SPINK5: variants seen among roughly 807,000 people sequenced by gnomAD.
SPINK5 encodes serine peptidase inhibitor Kazal type 5.
Under a neutral mutation model 151.8 loss-of-function variants are expected in SPINK5, and 125 were observed. The observed-to-expected ratio is 0.82, with a 90% CI of 0.71 to 0.96. SPINK5 has a LOEUF of 0.96. SPINK5 is among the 40% of genes least tolerant of loss of function. The probability of loss-of-function intolerance (pLI) is 0.00; values close to 1 mark genes in which losing one functional copy is unlikely to be tolerated. For synonymous variants in SPINK5, 374 were observed against 395.3 expected, an observed-to-expected ratio of 0.95 and a Z score of 0.64; for missense variants, 1,194 against 1,291.9, an observed-to-expected ratio of 0.92 and a Z score of 1.16.
intron 28 of SPINK5, chr5:148,125,069 G>GTCTT (rs1157781682): frequency 3.8e-6 from 2 of 529,364 alleles, no homozygotes; most frequent in East Asian, 4.4e-5. Flanking sequence ...TATTGTTTTA[G>GTCTT]TCTTTCCTCC....
chr5:148,099,974 C>A (rs1978447), intron 12 of SPINK5, among the ~76,000 whole-genome samples: 67,867 of 151,894 alleles, frequency 0.45, 16,472 homozygotes, highest in Admixed American at 0.58. Context: ...TTCAGAAAAT[C>A]ATGCTCTGCT....
intron 3 of SPINK5, 37 bp downstream of exon 3, chr5:148,070,487 A>C: frequency 6.2e-7 from 1 of 1,610,018 alleles, no homozygotes; most frequent in Non-Finnish European, 8.5e-7. Context: ...CCAATGTTTG[A>C]GTTAACAGCT....
intron 23 of SPINK5, 25 bp from the exon 24 acceptor site, chr5:148,118,942 CAATATTTGTTAACAAGATG>C: frequency 6.3e-7 from 1 of 1,585,640 alleles, no homozygotes; most frequent in Non-Finnish European, 8.7e-7. Context: ...AATCCAGGGT[CAATATTTGTTAACAAGATG>C]AATATTCACT....
At chr5:148,120,195 T>C (rs1754216744) in intron 25 of SPINK5, 59 bp downstream of exon 25, 2 of 1,613,436 alleles carry the variant, frequency 1.2e-6, no homozygotes, top group Non-Finnish European at 1.7e-6. Flanking sequence ...TAATCATTTC[T>C]TACCAGTTTG....
intron 16 of SPINK5, among the ~76,000 whole-genome samples, chr5:148,105,795 T>C (rs1276098265): frequency 6.6e-6 from 1 of 151,142 alleles, no homozygotes; most frequent in Non-Finnish European, 1.5e-5. Context: ...TTTTTTTTTT[T>C]TTTTTTTTAG....
intron 4 of SPINK5, among the ~76,000 whole-genome samples, chr5:148,085,295 C>T (rs1025915295): frequency 1.6e-4 from 25 of 151,920 alleles, no homozygotes; most frequent in African/African-American, 5.8e-4. Context: ...CATAGGTCTA[C>T]ATTCTAAGTG....
intron 4 of SPINK5, among the ~76,000 whole-genome samples, chr5:148,076,141 C>T (rs1162955140): frequency 1.3e-5 from 2 of 151,768 alleles, no homozygotes; most frequent in East Asian, 1.9e-4. Flanking sequence ...GTGGCCTGAA[C>T]TTTGCATGCC....
intron 21 of SPINK5, 31 bp from the exon 22 acceptor site, chr5:148,116,339 T>C: frequency 6.2e-7 from 1 of 1,608,282 alleles, no homozygotes; most frequent in Non-Finnish European, 8.5e-7. Flanking sequence ...TGTAATCTAT[T>C]GTTCCCTACC....
chr5:148,072,349 T>C, intron 4 of SPINK5, 129 bp downstream of exon 4: 2 of 950,694 alleles, frequency 2.1e-6, no homozygotes, highest in Non-Finnish European at 3.3e-6. Context: ...GGAGGGAACA[T>C]GGGTTAGTCC....
rs143694801 is a variant in SPINK5 at position 148,135,283 on chromosome 5, T to C, written c.3186+1396T>C. On this transcript the variant is annotated intron_variant, in intron 32 of 32. Transcript: ENST00000256084. ...CCGTCCTCACAAACTCACCTTTACA[T>C]ATATCTCAGGAGAGAAAGGTCAAAA... is the stretch of plus-strand genomic sequence containing the variant. Among the ~76,000 whole-genome samples the C allele has an allele frequency of 5.9e-3, 896 of 152,322 alleles. 11 individuals carry two copies. The highest frequency in any genetic ancestry group is 0.02 in the African/African-American group (846 of 41,558).
chr5:148,127,144 T>C (rs926050718), intron 30 of SPINK5, 65 bp downstream of exon 30: 39 of 1,379,532 alleles, frequency 2.8e-5, no homozygotes, highest in Non-Finnish European at 3.7e-5. Flanking sequence ...TTTGACCTGT[T>C]GCTATTTGCT....
chr5:148,076,639 GCAGA>G (rs1470134138), intron 4 of SPINK5, among the ~76,000 whole-genome samples: 4 of 151,608 alleles, frequency 2.6e-5, no homozygotes, highest in Admixed American at 6.6e-5. Flanking sequence ...GTTAGATGTG[GCAGA>G]CAAAGACTTG....
intron 17 of SPINK5, 101 bp downstream of exon 17, chr5:148,107,265 A>G: frequency 6.5e-7 from 1 of 1,536,254 alleles, no homozygotes; most frequent in Non-Finnish European, 8.9e-7. Flanking sequence ...CGTGAGTTAT[A>G]TATTAGAAAG....
intron 23 of SPINK5, 69 bp from the exon 24 acceptor site, chr5:148,118,910 GCACGGGA>G (rs2113188291): frequency 6.9e-7 from 1 of 1,453,518 alleles, no homozygotes; most frequent in African/African-American, 1.4e-5. Context: ...CTTGTCATTT[GCACGGGA>G]CACACTTAGT....
Position 148,070,186 on chromosome 5 carries a change from ATACT to A in SPINK5, c.82-134_82-131del. On this transcript the variant is annotated intron_variant, in intron 2 of 32. Transcript: ENST00000256084. Reference sequence around the variant, plus strand: ...ATCAGGCATTCTTTGAGGGCTTTACATACTTAATCTTCAAAAAACCTTGGAATTG... The same window carrying A: ...ATCAGGCATTCTTTGAGGGCTTTACATAATCTTCAAAAAACCTTGGAATTG... 4.2e-6 allele frequency: 4 copies of A among 942,712 alleles called. No homozygotes were observed. The African/African-American group carries it at 5.1e-5, about 12-fold the overall frequency. 58.4% of individuals were successfully genotyped at this position (942,712 alleles called of 1,614,324 possible).
In SPINK5 at chr5:148,064,084, C is replaced by G. The variant is rs749263067; in HGVS notation, c.40C>G (p.Leu14Val). Residue 14 changes from leucine (L) to valine (V), a missense_variant, in exon 1 of 33, where the codon CTT becomes GTT. Coordinates refer to ENST00000256084, the MANE Select transcript of SPINK5 (RefSeq NM_006846.4). Reference sequence around the variant, plus strand: ...AGTGTCAGTGCTTCTGCCCTTGGCTCTTTGCCTCATACAAGGTGAGCAATT... The same window carrying G: ...AGTGTCAGTGCTTCTGCCCTTGGCTGTTTGCCTCATACAAGGTGAGCAATT... ...ATVSVLLPLALCLIQDAASKN... is the reference protein window; with the variant it reads ...ATVSVLLPLAVCLIQDAASKN... The G allele has an allele frequency of 1.2e-6, 2 of 1,614,176 alleles. No individual in the cohort carries two copies. The highest frequency in any genetic ancestry group is 1.7e-5 in the Admixed American group (1 of 60,026).
At chr5:148,126,784 G>C (rs1024601147) in intron 29 of SPINK5, among the ~76,000 whole-genome samples, 199 bp from the exon 30 acceptor site, 2 of 151,984 alleles carry the variant, frequency 1.3e-5, no homozygotes, top group African/African-American at 4.8e-5. Context: ...TAGAGATGGA[G>C]TTTCACCATG....
chr5:148,123,973 G>T lies in SPINK5; in HGVS notation c.2666+13G>T, dbSNP rs1754362735. The T allele has an allele frequency of 6.2e-7, 1 of 1,613,524 alleles. No homozygotes were observed. The highest frequency in any genetic ancestry group is 1.1e-5 in the South Asian group (1 of 91,036). ...GTCAGAGCATCTTGTACGTAAAAAG[G>T]TTTATCAATAAATTTGATAGTTGTG... On this transcript the variant is annotated intron_variant, in intron 27 of 32. Transcript: ENST00000256084.
intron 27 of SPINK5, among the ~76,000 whole-genome samples, chr5:148,124,475 A>C (rs1255054780): frequency 6.6e-6 from 1 of 152,198 alleles, no homozygotes; most frequent in Non-Finnish European, 1.5e-5. Context: ...TGAGAGTCTT[A>C]AGTCTATTAT....
Sources: allele counts gnomAD v4.1 joint callset (sites outside exome capture counted in the v4.1 genomes callset), GRCh38; gene constraint gnomAD v4.1.1; transcripts MANE v1.5; gene names NCBI Gene and HGNC (gene_info 2026-07-23, HGNC 2026-07-21).